The following NAT1 variants were observed in gnomAD, a reference collection of about 807,000 sequenced individuals.
The protein encoded by NAT1 is arylamine N-acetyltransferase 1.
For synonymous variants in NAT1, 144 were observed against 122.6 expected (o/e 1.17, Z -1.16); for missense variants, 400 against 339.2 (o/e 1.18, Z -1.41).
chr8:18,194,537 T>G (rs1363404245), intron 2 of NAT1, among the ~76,000 whole-genome samples: 1 of 151,810 alleles, frequency 6.6e-6, no homozygotes, highest in African/African-American at 2.4e-5. Flanking sequence ...AGACTTAAGG[T>G]TGGCTGGGCA....
chr8:18,192,503 G>A (rs980545925), intron 2 of NAT1, among the ~76,000 whole-genome samples: 3 of 152,170 alleles, frequency 2.0e-5, no homozygotes, highest in Non-Finnish European at 4.4e-5. Flanking sequence ...TATACCCAAT[G>A]GACTATAAAT....
At chr8:18,199,741 C>T (rs1264805694) in intron 2 of NAT1, among the ~76,000 whole-genome samples, 1 of 152,148 alleles carries the variant, frequency 6.6e-6, no homozygotes, top group Non-Finnish European at 1.5e-5. Context: ...TAGCTCATAG[C>T]ATTTACAATG....
intron 1 of NAT1, among the ~76,000 whole-genome samples, chr8:18,218,365 A>G (rs2117400767): frequency 6.6e-6 from 1 of 152,328 alleles, no homozygotes; most frequent in African/African-American, 2.4e-5. Flanking sequence ...GCCCCAGGGC[A>G]TATAAGAAAC....
At chr8:18,172,286 C>G (rs746645091) in intron 2 of NAT1, among the ~76,000 whole-genome samples, 5 of 152,156 alleles carry the variant, frequency 3.3e-5, no homozygotes, top group Non-Finnish European at 5.9e-5. Context: ...TTTTATAAGA[C>G]TGTTGACATT....
chr8:18,196,248 C>CCAAATTTTA (rs1405747774), intron 2 of NAT1, among the ~76,000 whole-genome samples: 2 of 151,918 alleles, frequency 1.3e-5, no homozygotes, highest in African/African-American at 4.8e-5. Flanking sequence ...CCACACCCAG[C>CCAAATTTTA]CAACTTTTAC....
intron 1 of NAT1, chr8:18,212,913 T>TG (rs1804244229): frequency 6.6e-6 from 1 of 151,948 alleles, no homozygotes; most frequent in South Asian, 2.1e-4. Flanking sequence ...AATAGGGTTT[T>TG]TTTTTTTTTC....
rs878972721 is a variant in NAT1 at position 18,222,291 on chromosome 8, A to G, written c.244A>G (p.Ile82Val). 2 of 1,614,030 alleles carry G rather than the reference A, an allele frequency of 1.2e-6. No homozygotes were observed. Among genetic ancestry groups the G allele is most frequent in the Non-Finnish European group, 1.7e-6 (2 of 1,179,978 alleles). ...NHLLYWALTTIGFETTMLGGY... is the reference protein window; with the variant it reads ...NHLLYWALTTVGFETTMLGGY... ...TCTTCTGTACTGGGCTCTGACCACT[A>G]TTGGTTTTGAGACCACGATGTTGGG... The change falls in exon 3 of 3, where the codon ATT (isoleucine) becomes GTT (valine). Residue 82 changes from isoleucine to valine, a missense_variant. Physicochemically the swap from Ile to Val is conservative, Grantham distance 29. Coordinates refer to ENST00000307719, the MANE Select transcript of NAT1 (RefSeq NM_000662.8).
intron 2 of NAT1, among the ~76,000 whole-genome samples, chr8:18,189,814 G>T (rs895714406): frequency 6.6e-6 from 1 of 152,078 alleles, no homozygotes; most frequent in African/African-American, 2.4e-5. Flanking sequence ...TTTGTGACAA[G>T]AGTCTCACTC....
intron 2 of NAT1, among the ~76,000 whole-genome samples, chr8:18,202,565 T>C (rs1467885941): frequency 6.6e-6 from 1 of 152,140 alleles, no homozygotes; most frequent in Non-Finnish European, 1.5e-5. Flanking sequence ...CTCTGGAGTT[T>C]CTTCCTTCCA....
chr8:18,170,805 C>G (rs1439469667), intron 2 of NAT1: 1 of 152,086 alleles, frequency 6.6e-6, no homozygotes, highest in Non-Finnish European at 1.5e-5. Context: ...GCTGGGTGAG[C>G]CTCTCTCTGG....
intron 2 of NAT1, among the ~76,000 whole-genome samples, chr8:18,179,037 T>C (rs1165660369): frequency 1.3e-5 from 2 of 152,126 alleles, no homozygotes; most frequent in African/African-American, 4.8e-5. Flanking sequence ...TTAGTCAACA[T>C]TTATCCCTCT....
In NAT1 at chr8:18,200,719, C is replaced by T. The variant is rs138573891; in HGVS notation, n.93-9062C>T. ...ATAATAAAAAAACTAAACCACTGTACGGGATTGATTAATTAAGTAATATGT... is the reference window on the plus strand; with the variant it reads ...ATAATAAAAAAACTAAACCACTGTATGGGATTGATTAATTAAGTAATATGT... On this transcript the variant is annotated intron_variant and non_coding_transcript_variant, in intron 2 of 4. Coordinates refer to the NAT1 transcript ENST00000517441. 1.1e-3 allele frequency among the ~76,000 whole-genome samples: 173 copies of T among 152,124 alleles called. 1 individual carries two copies. The highest frequency in any genetic ancestry group is 3.7e-3 in the African/African-American group (154 of 41,490).
intron 2 of NAT1, 30 bp from the exon 3 acceptor site, chr8:18,222,012 A>G: frequency 6.4e-7 from 1 of 1,569,660 alleles, no homozygotes; most frequent in Non-Finnish European, 8.6e-7. Context: ...AAGTAAAATG[A>G]TTTGCTTTCG....
chr8:18,219,542 C>T lies in NAT1; in HGVS notation c.-7+53C>T, dbSNP rs960028334. Reference sequence around the variant, plus strand: ...AGTGGGCTTCCTAAGCACGTTCACTCTGCCTCCTTTAAGTCTTATATTTAT... The same window carrying T: ...AGTGGGCTTCCTAAGCACGTTCACTTTGCCTCCTTTAAGTCTTATATTTAT... On this transcript the variant is annotated intron_variant, in intron 2 of 2. Transcript: ENST00000307719. The T allele has an allele frequency of 6.2e-6, 6 of 960,324 alleles. No individual in the cohort carries two copies. The African/African-American group carries it at 9.9e-5, about 16-fold the overall frequency. The allele number at this position is 960,324 out of a possible 1,614,324, so 59.5% of individuals were successfully genotyped here.
At chr8:18,221,835 A>G in intron 2 of NAT1, 1 of 449,444 alleles carries the variant, frequency 2.2e-6, no homozygotes, top group Non-Finnish European at 3.8e-6. Flanking sequence ...CACTTGAAAG[A>G]AGACATAATA....
chr8:18,180,317 A>T (rs2117218194), intron 2 of NAT1, among the ~76,000 whole-genome samples: 1 of 152,256 alleles, frequency 6.6e-6, no homozygotes, highest in African/African-American at 2.4e-5. Flanking sequence ...ATGCTATTTG[A>T]CTAGGGTCTG....
intron 2 of NAT1, among the ~76,000 whole-genome samples, chr8:18,174,045 C>T (rs1203802617): frequency 6.6e-6 from 1 of 152,076 alleles, no homozygotes; most frequent in African/African-American, 2.4e-5. Context: ...AGTCATCCTC[C>T]TTGTGAGGTT....
chr8:18,174,162 T>G (rs1024457690), intron 2 of NAT1, among the ~76,000 whole-genome samples: 12 of 152,152 alleles, frequency 7.9e-5, no homozygotes, highest in African/African-American at 2.7e-4. Flanking sequence ...GCTATCAATA[T>G]CTGAGCAAGT....
At chr8:18,172,120 C>T (rs576697903) in intron 2 of NAT1, among the ~76,000 whole-genome samples, 16 of 152,294 alleles carry the variant, frequency 1.1e-4, no homozygotes, top group African/African-American at 3.6e-4. Context: ...GTGAGTGTAG[C>T]GTCACAAGTA....
Sources: allele counts gnomAD v4.1 joint callset (sites outside exome capture counted in the v4.1 genomes callset), GRCh38; gene constraint gnomAD v4.1.1; transcripts MANE v1.5; gene names NCBI Gene and HGNC (gene_info 2026-07-23, HGNC 2026-07-21).